Variants in AKAP10 observed in about 807,000 individuals in gnomAD.
AKAP10 encodes the protein A-kinase anchoring protein 10, also known as A-kinase anchor protein 10, mitochondrial.
AKAP10 carries 24 observed loss-of-function variants against 80.8 expected under a neutral mutation model. That is an observed-to-expected ratio of 0.30 (90% CI 0.22 to 0.42). The LOEUF (loss-of-function observed/expected upper bound fraction) is 0.42. Among genes scored for constraint, AKAP10 ranks in the 10% least tolerant of loss-of-function variants. The pLI is 1.00. For synonymous variants in AKAP10, 291 were observed against 277.7 expected, an observed-to-expected ratio of 1.05 and a Z score of -0.48; for missense variants, 661 against 794.9, an observed-to-expected ratio of 0.83 and a Z score of 2.03.
At chr17:19,947,557 T>C in intron 4 of AKAP10, 52 bp from the exon 5 acceptor site, 1 of 1,165,294 alleles carries the variant, frequency 8.6e-7, no homozygotes. Context: ...TGGACTCCAG[T>C]AATGAATTAT....
intron 9 of AKAP10, among the ~76,000 whole-genome samples, chr17:19,932,963 C>T (rs1448919103): frequency 2.0e-5 from 3 of 151,904 alleles, no homozygotes; most frequent in African/African-American, 7.3e-5. Context: ...AACATGAGAA[C>T]TTATTCAGTA....
intron 8 of AKAP10, among the ~76,000 whole-genome samples, chr17:19,937,715 T>C (rs1373785979): frequency 6.6e-6 from 1 of 152,172 alleles, no homozygotes; most frequent in Admixed American, 6.5e-5. Flanking sequence ...TCTACAAACA[T>C]ACTGTACCAG....
Position 19,977,807 on chromosome 17 carries a change from A to T in AKAP10, c.-128T>A. The T allele has an allele frequency of 2.0e-6, 1 of 500,214 alleles. No homozygotes were observed. Among genetic ancestry groups the T allele is most frequent in the Non-Finnish European group, 3.1e-6 (1 of 318,250 alleles). 31.0% of individuals were successfully genotyped at this position (500,214 alleles called of 1,614,324 possible). Reference sequence around the variant, plus strand: ...AGGCAGCTCCAGCCGCCATATTATCAACAAGCCGCCCGCCCGGAGTTCCGG... The same window carrying T: ...AGGCAGCTCCAGCCGCCATATTATCTACAAGCCGCCCGCCCGGAGTTCCGG... On this transcript the variant is annotated 5_prime_UTR_variant, in exon 1 of 15. Transcript: ENST00000225737.
At chr17:19,927,064 G>A (rs775984121) in intron 10 of AKAP10, among the ~76,000 whole-genome samples, 12 of 152,136 alleles carry the variant, frequency 7.9e-5, no homozygotes, top group Middle Eastern at 3.4e-3. Flanking sequence ...GACAGGTTGC[G>A]TGTGGCTCAC....
chr17:19,922,325 C>G (rs986911689), intron 11 of AKAP10, among the ~76,000 whole-genome samples: 28 of 152,162 alleles, frequency 1.8e-4, no homozygotes, highest in African/African-American at 6.3e-4. Flanking sequence ...TAGATGGGTA[C>G]CAATATACCA....
In AKAP10 at chr17:19,918,681, A is replaced by G. The variant is rs78121235; in HGVS notation, c.1834+1355T>C. On this transcript the variant is annotated intron_variant, in intron 12 of 14. Coordinates refer to ENST00000225737, the MANE Select transcript of AKAP10 (RefSeq NM_007202.4). ...AATTTTTCTTCTTACAAAAATTAGT[A>G]TCTTTTACTCAATAAAATACTGTCA... Among the ~76,000 whole-genome samples, 406 of 152,330 alleles carry G rather than the reference A, an allele frequency of 2.7e-3. 15 individuals are homozygous for G. In the East Asian group the frequency reaches 0.074, roughly 28 times the overall value.
At chr17:19,946,118 T>TATATATAC (rs2043101768) in intron 5 of AKAP10, among the ~76,000 whole-genome samples, 1 of 134,214 alleles carries the variant, frequency 7.5e-6, no homozygotes, top group East Asian at 2.1e-4. Context: ...TATATATATA[T>TATATATAC]ACACACACTA....
chr17:19,946,216 TATATTTTATATA>T lies in AKAP10; in HGVS notation c.976+1179_976+1190del, dbSNP rs1201701239. On this transcript the variant is annotated intron_variant, in intron 5 of 14. Transcript: ENST00000225737. ...CTAATACATATATTTTATATATATA[TATATTTTATATA>T]TATATATATTATATATATATATATA... Among the ~76,000 whole-genome samples, 6 of 51,786 alleles carry T rather than the reference TATATTTTATATA, an allele frequency of 1.2e-4. 1 individual carries two copies. Among genetic ancestry groups the T allele is most frequent in the Non-Finnish European group, 2.2e-4 (6 of 27,126 alleles). The allele number at this position is 51,786 out of a possible 152,430, so 34.0% of individuals were successfully genotyped here.
intron 3 of AKAP10, among the ~76,000 whole-genome samples, chr17:19,960,065 A>G (rs1421188735): frequency 2.0e-5 from 3 of 152,118 alleles, no homozygotes; most frequent in African/African-American, 7.2e-5. Flanking sequence ...TGGGGAACAT[A>G]GTGAAACCCC....
At chr17:19,913,955 C>T (rs933369847) in intron 12 of AKAP10, among the ~76,000 whole-genome samples, 8 of 152,132 alleles carry the variant, frequency 5.3e-5, no homozygotes, top group African/African-American at 1.9e-4. Flanking sequence ...TATAGACAAA[C>T]TCCCTGCCCA....
At chr17:19,910,005 T>C in intron 12 of AKAP10, 27 bp from the exon 13 acceptor site, 1 of 1,606,066 alleles carries the variant, frequency 6.2e-7, no homozygotes, top group Non-Finnish European at 8.5e-7. Context: ...AAATTGAATG[T>C]ACATTTCATG....
At chr17:19,969,981 T>C (rs1246957354) in intron 1 of AKAP10, among the ~76,000 whole-genome samples, 2 of 152,206 alleles carry the variant, frequency 1.3e-5, no homozygotes, top group Admixed American at 6.5e-5. Context: ...CTTCTGCATA[T>C]ACATCTGTAT....
intron 5 of AKAP10, among the ~76,000 whole-genome samples, chr17:19,946,223 TATATATATATATATTATATATA>T (rs1567765346): frequency 3.7e-4 from 5 of 13,426 alleles, no homozygotes; most frequent in Admixed American, 1.2e-3. Context: ...ATATATATTT[TATATATATATATATTATATATA>T]TATATATATA....
At chr17:19,938,883 C>A (rs1156513984) in intron 8 of AKAP10, among the ~76,000 whole-genome samples, 1 of 152,026 alleles carries the variant, frequency 6.6e-6, no homozygotes, top group African/African-American at 2.4e-5. Context: ...CAGGCGCACG[C>A]CATCACGCTC....
In AKAP10 at chr17:19,945,396, C is replaced by A. The variant is rs137869291; in HGVS notation, c.976+2011G>T. 1.5e-3 allele frequency among the ~76,000 whole-genome samples: 230 copies of A among 152,216 alleles called. 2 individuals are homozygous for A. Among genetic ancestry groups the A allele is most frequent in the African/African-American group, 5.2e-3 (216 of 41,536 alleles). ...GCAAACTCTAATCAGTCAGAACATC[C>A]CTGTTGTATTACTAGGAAAAGCTGG... is the stretch of plus-strand genomic sequence containing the variant. On this transcript the variant is annotated intron_variant, in intron 5 of 14. Transcript: ENST00000225737.
intron 9 of AKAP10, chr17:19,936,074 G>A (rs370505651): frequency 6.9e-5 from 28 of 405,392 alleles, no homozygotes; most frequent in African/African-American, 2.8e-4. Flanking sequence ...TAATCGTACA[G>A]GACCATCGTA....
intron 12 of AKAP10, among the ~76,000 whole-genome samples, chr17:19,916,852 G>A (rs891108201): frequency 6.6e-6 from 1 of 151,894 alleles, no homozygotes; most frequent in Non-Finnish European, 1.5e-5. Flanking sequence ...CAGGAGAATG[G>A]CTTGAACCTG....
At chr17:19,955,200 C>T (rs574095540) in intron 4 of AKAP10, among the ~76,000 whole-genome samples, 19 of 149,920 alleles carry the variant, frequency 1.3e-4, no homozygotes, top group African/African-American at 2.5e-4. Flanking sequence ...CCAGCTCGGG[C>T]GACAGAGCAA....
intron 4 of AKAP10, among the ~76,000 whole-genome samples, chr17:19,956,283 T>A (rs563318656): frequency 6.6e-6 from 1 of 152,264 alleles, no homozygotes; most frequent in South Asian, 2.1e-4. Flanking sequence ...AGTAACTTAA[T>A]TTATACAGAG....
Sources: allele counts gnomAD v4.1 joint callset (sites outside exome capture counted in the v4.1 genomes callset), GRCh38; gene constraint gnomAD v4.1.1; transcripts MANE v1.5; gene names NCBI Gene and HGNC (gene_info 2026-07-23, HGNC 2026-07-21).